PSMD1: variants seen among roughly 807,000 people sequenced by gnomAD.
PSMD1 encodes the protein proteasome 26S subunit, non-ATPase 1, also known as 26S proteasome non-ATPase regulatory subunit 1.
A neutral mutation model predicts 119.0 loss-of-function variants in PSMD1; 18 were observed. The observed-to-expected ratio is 0.15, with a 90% CI of 0.10 to 0.22. PSMD1 has a LOEUF of 0.22. PSMD1 is among the 10% of genes least tolerant of loss of function. The probability of loss-of-function intolerance (pLI) is 1.00; values close to 1 mark genes in which losing one functional copy is unlikely to be tolerated. For missense variants in PSMD1, 702 were observed against 1,158.5 expected (o/e 0.61, Z 5.72); for synonymous variants, 374 against 396.6 (o/e 0.94, Z 0.68).
rs755554753 is a variant in PSMD1, at chr2:231,165,903, G to T, written c.2601G>T (p.Lys867Asn). 9 of 1,613,078 alleles carry T rather than the reference G, an allele frequency of 5.6e-6. No individual in the cohort carries two copies. The highest frequency in any genetic ancestry group is 7.6e-6 in the Non-Finnish European group (9 of 1,179,458). ...DEAEKKEEKE[K>N]KKEPEPNFQL... Reference sequence around the variant, plus strand: ...CAGAGAAAAAGGAGGAAAAAGAGAAGAAAAAAGAACCTGAGCCAAACTTCC... The same window carrying T: ...CAGAGAAAAAGGAGGAAAAAGAGAATAAAAAAGAACCTGAGCCAAACTTCC... The change falls in exon 23 of 25, where the codon AAG (lysine) becomes AAT (asparagine). Residue 867 changes from lysine to asparagine, a missense_variant. This residue lies in a region of PSMD1 where 152 missense variants were observed against 239.3 expected (regional missense o/e 0.64). Coordinates refer to ENST00000308696, the MANE Select transcript of PSMD1 (RefSeq NM_002807.4).
At chr2:231,114,484 A>G (rs1695264314) in intron 16 of PSMD1, among the ~76,000 whole-genome samples, 1 of 152,144 alleles carries the variant, frequency 6.6e-6, no homozygotes, top group Non-Finnish European at 1.5e-5. Flanking sequence ...TTTTGACAGA[A>G]ATAGTTCTCA....
chr2:231,137,032 ATATATAAT>A (rs977626891), intron 16 of PSMD1, among the ~76,000 whole-genome samples: 8 of 144,778 alleles, frequency 5.5e-5, no homozygotes, highest in South Asian at 4.3e-4. Context: ...TTTATGTACC[ATATATAAT>A]TATATAATAT....
chr2:231,168,845 C>T (rs937648552), intron 23 of PSMD1, among the ~76,000 whole-genome samples: 4 of 152,210 alleles, frequency 2.6e-5, no homozygotes, highest in African/African-American at 9.7e-5. Flanking sequence ...TGCAGTGACT[C>T]ACTCCCCTAC....
chr2:231,100,990 A>G (rs1222782258), intron 16 of PSMD1, among the ~76,000 whole-genome samples: 3 of 152,170 alleles, frequency 2.0e-5, no homozygotes, highest in African/African-American at 4.8e-5. Flanking sequence ...TGGCCAAGCA[A>G]TGGATGAAAG....
intron 4 of PSMD1, among the ~76,000 whole-genome samples, chr2:231,065,383 C>T (rs930152671): frequency 1.3e-5 from 2 of 151,722 alleles, no homozygotes; most frequent in South Asian, 2.1e-4. Context: ...ACCTCCACCT[C>T]CCGGGTTCAC....
chr2:231,145,750 G>A (rs940997715), intron 17 of PSMD1, among the ~76,000 whole-genome samples: 11 of 151,774 alleles, frequency 7.2e-5, no homozygotes, highest in East Asian at 5.8e-4. Flanking sequence ...AAAATTAGCC[G>A]GGGGTGGTAG....
chr2:231,131,286 C>T (rs1695847279), intron 16 of PSMD1, among the ~76,000 whole-genome samples: 1 of 152,116 alleles, frequency 6.6e-6, no homozygotes, highest in African/African-American at 2.4e-5. Flanking sequence ...ATGATGTTAG[C>T]AGTCGTTGAT....
intron 9 of PSMD1, 46 bp downstream of exon 9, chr2:231,077,208 C>T (rs754429461): frequency 8.0e-7 from 1 of 1,256,884 alleles, no homozygotes; most frequent in Admixed American, 2.9e-5. Flanking sequence ...ATATTTAGTT[C>T]TTTGTTGCAT....
In PSMD1 at chr2:231,108,632, C is replaced by CT. The variant is rs775793306; in HGVS notation, c.1883+21452dup. On this transcript the variant is annotated intron_variant, in intron 16 of 24. Coordinates refer to ENST00000308696, the MANE Select transcript of PSMD1 (RefSeq NM_002807.4). ...GGTTGAACTTCGGAGCCTCATTGGA[C>CT]TCTGGTACATGGCAGGGTTAATCCC... The CT allele has an allele frequency of 6.8e-6, 11 of 1,614,014 alleles. No homozygotes were observed. In the South Asian group the frequency reaches 1.2e-4, roughly 18 times the overall value.
chr2:231,139,314 C>CTTTTTTTTTT (rs60709158), intron 17 of PSMD1, among the ~76,000 whole-genome samples: 96 of 93,534 alleles, frequency 1.0e-3, no homozygotes, highest in East Asian at 1.7e-3. Context: ...TTTTTTCTTT[C>CTTTTTTTTTT]TTTTTTTTTT....
At position 231,170,553 on chromosome 2, in the gene PSMD1, CCT is replaced by C. The variant is rs1427336921; in HGVS notation, c.2716-12_2716-11del. 1.2e-6 allele frequency: 2 copies of C among 1,604,840 alleles called. No individual in the cohort carries two copies. Among genetic ancestry groups the C allele is most frequent in the African/African-American group, 1.3e-5 (1 of 74,434 alleles). On this transcript the variant is annotated splice_polypyrimidine_tract_variant and intron_variant, in intron 23 of 24. Transcript: ENST00000308696. The surrounding 1 kb of genome is among the most constrained non-coding windows in gnomAD (Gnocchi z 4.1). ...ATATGAGTGTACGCTTCTGCACGCC[CCT>C]GTGTTTCCAGCTCTCTATTGGAGGC...
intron 19 of PSMD1, 89 bp from the exon 20 acceptor site, chr2:231,161,251 A>AG: frequency 2.4e-6 from 3 of 1,275,090 alleles, no homozygotes; most frequent in South Asian, 1.6e-5. Context: ...AAAAAAAAAA[A>AG]AGAAAGAAAG....
At chr2:231,151,397 T>C (rs971496454) in intron 18 of PSMD1, among the ~76,000 whole-genome samples, 2 of 152,178 alleles carry the variant, frequency 1.3e-5, no homozygotes, top group African/African-American at 4.8e-5. Flanking sequence ...TCTATCAAAA[T>C]AATTCTTTAC....
intron 19 of PSMD1, among the ~76,000 whole-genome samples, chr2:231,154,140 A>C (rs895211450): frequency 4.0e-5 from 6 of 148,196 alleles, no homozygotes; most frequent in African/African-American, 1.5e-4. Flanking sequence ...AAAAAAAAGT[A>C]CAGGCTGTTG....
chr2:231,097,209 A>G (rs1045783074), intron 16 of PSMD1, among the ~76,000 whole-genome samples: 1 of 152,210 alleles, frequency 6.6e-6, no homozygotes, highest in Non-Finnish European at 1.5e-5. Context: ...CTCTGCATCA[A>G]CTTACAGATG....
intron 17 of PSMD1, among the ~76,000 whole-genome samples, chr2:231,145,993 T>G (rs1289576203): frequency 6.6e-6 from 1 of 152,096 alleles, no homozygotes; most frequent in African/African-American, 2.4e-5. Context: ...AATGATTTAT[T>G]TATATTTTTT....
rs767587769 is a variant in PSMD1 at position 231,062,399 on chromosome 2, C to T, written c.134+78C>T. On this transcript the variant is annotated intron_variant, in intron 3 of 24. Coordinates refer to ENST00000308696, the MANE Select transcript of PSMD1 (RefSeq NM_002807.4). ...ATGTGGGTCTTGTGGCTTATTGATT[C>T]ATTTAGAAATTTGCTGTTAACTGAA... 2.2e-5 allele frequency: 34 copies of T among 1,514,562 alleles called. 1 individual carries two copies. The highest frequency in any genetic ancestry group is 3.0e-5 in the Non-Finnish European group (33 of 1,102,564). The allele number at this position is 1,514,562 out of a possible 1,614,324, so 93.8% of individuals were successfully genotyped here. A position where few individuals can be genotyped will look rare whatever the true frequency, so the allele number is the denominator to read the frequency against.
chr2:231,154,045 G>GGAGGTT (rs1696426775), intron 19 of PSMD1, among the ~76,000 whole-genome samples: 3 of 151,604 alleles, frequency 2.0e-5, no homozygotes. Context: ...CCCAGGAAGT[G>GGAGGTT]GAGGTTGCAG....
At chr2:231,081,276 T>C (rs1343458186) in intron 12 of PSMD1, among the ~76,000 whole-genome samples, 2 of 151,998 alleles carry the variant, frequency 1.3e-5, no homozygotes, top group African/African-American at 2.4e-5. Context: ...GTAAAAACTT[T>C]CTTATCAGAT....
Sources: allele counts gnomAD v4.1 joint callset (sites outside exome capture counted in the v4.1 genomes callset), GRCh38; gene constraint gnomAD v4.1.1; regional missense constraint gnomAD v4.1.1; non-coding constraint Gnocchi (gnomAD v3.1); transcripts MANE v1.5; gene names NCBI Gene and HGNC (gene_info 2026-07-23, HGNC 2026-07-21).